Variants in FRMPD2 observed in about 807,000 individuals in gnomAD.
FRMPD2 encodes FERM and PDZ domain-containing protein 2.
FRMPD2 carries 96 observed loss-of-function variants against 140.1 expected under a neutral mutation model. That is an observed-to-expected ratio of 0.69 (90% CI 0.58 to 0.81). FRMPD2 has a LOEUF of 0.81. FRMPD2 is among the 40% of genes least tolerant of loss of function. FRMPD2 has a pLI of 0.00. For synonymous variants in FRMPD2, 449 were observed against 547.6 expected, an observed-to-expected ratio of 0.82 and a Z score of 2.52; for missense variants, 1,240 against 1,447.4, an observed-to-expected ratio of 0.86 and a Z score of 2.32.
chr10:48,191,005 T>TC (rs1415143203), intron 16 of FRMPD2, among the ~76,000 whole-genome samples: 7 of 152,242 alleles, frequency 4.6e-5, no homozygotes, highest in African/African-American at 1.4e-4. Flanking sequence ...TCTTGGACGC[T>TC]CCTACATCAA....
At chr10:48,269,093 G>A (rs1588863874) in intron 1 of FRMPD2, among the ~76,000 whole-genome samples, 1 of 152,080 alleles carries the variant, frequency 6.6e-6, no homozygotes, top group East Asian at 1.9e-4. Flanking sequence ...AAATAAACAG[G>A]TGAAAAAATA....
At chr10:48,191,513 C>A (rs1255639103) in intron 16 of FRMPD2, among the ~76,000 whole-genome samples, 2 of 152,140 alleles carry the variant, frequency 1.3e-5, no homozygotes, top group Non-Finnish European at 2.9e-5. Flanking sequence ...TTTTGCCTTA[C>A]CACTGTTGAT....
intron 1 of FRMPD2, among the ~76,000 whole-genome samples, chr10:48,263,553 C>T (rs868162790): frequency 5.9e-5 from 9 of 152,030 alleles, no homozygotes; most frequent in African/African-American, 9.7e-5. Flanking sequence ...TTAGATGAAA[C>T]GGACCAATTC....
chr10:48,180,118 C>T (rs1256432257), intron 21 of FRMPD2, among the ~76,000 whole-genome samples: 1 of 152,014 alleles, frequency 6.6e-6, no homozygotes, highest in Non-Finnish European at 1.5e-5. Flanking sequence ...TCCAGCACTG[C>T]CACCCTGTCC....
chr10:48,188,896 T>C (rs1335578101), intron 16 of FRMPD2, among the ~76,000 whole-genome samples: 1 of 152,140 alleles, frequency 6.6e-6, no homozygotes, highest in Non-Finnish European at 1.5e-5. Context: ...GTCACATTCA[T>C]AGACCAGGAG....
chr10:48,237,521 C>G (rs1839994465), intron 8 of FRMPD2, among the ~76,000 whole-genome samples: 1 of 152,142 alleles, frequency 6.6e-6, no homozygotes, highest in Non-Finnish European at 1.5e-5. Context: ...CTTTGACAGA[C>G]AGACAGGCAC....
chr10:48,238,143 G>C lies in FRMPD2; in HGVS notation c.789-20C>G. 6.2e-7 allele frequency: 1 copy of C among 1,604,220 alleles called. No individual in the cohort carries two copies. The highest frequency in any genetic ancestry group is 1.3e-5 in the African/African-American group (1 of 74,912). ...AGAGCGCTGGCCAGGGGTTGAGAAGGGGTGAAGCACTTAGCAATGGCAAGG... is the reference window on the plus strand; with the variant it reads ...AGAGCGCTGGCCAGGGGTTGAGAAGCGGTGAAGCACTTAGCAATGGCAAGG... On this transcript the variant is annotated intron_variant, in intron 7 of 28. Coordinates refer to ENST00000374201, the MANE Select transcript of FRMPD2 (RefSeq NM_001018071.4).
chr10:48,206,650 G>A, intron 14 of FRMPD2, 98 bp downstream of exon 14: 1 of 904,412 alleles, frequency 1.1e-6, no homozygotes, highest in Admixed American at 2.1e-5. Flanking sequence ...GTTTGGTCAG[G>A]AGAAAGCCAC....
rs115121643 is a variant in FRMPD2, at chr10:48,232,221, C to T, written c.1062G>A (p.Leu354=). The change falls in exon 10 of 29, where the codon CTG becomes CTA. Residue 354 remains leucine, a synonymous_variant. Transcript: ENST00000374201. The part of the protein sequence containing the change: ...LCVVLLNGQH[L]EVKCDVESTV... ...TTGATTCAACATCACATTTTACCTCCAGGTGCTGCCCGTTCAGCAGGACCA... is the reference window on the plus strand; with the variant it reads ...TTGATTCAACATCACATTTTACCTCTAGGTGCTGCCCGTTCAGCAGGACCA... 2.5e-4 allele frequency: 396 copies of T among 1,614,166 alleles called. 1 individual carries two copies. The African/African-American group carries it at 4.9e-3, about 20-fold the overall frequency.
intron 1 of FRMPD2, 90 bp downstream of exon 1, chr10:48,274,450 GTTC>G (rs1005044587): frequency 2.0e-5 from 23 of 1,124,330 alleles, no homozygotes; most frequent in African/African-American, 3.1e-5. Flanking sequence ...GCCCAGCTGT[GTTC>G]TTCTTATTCC....
intron 10 of FRMPD2, among the ~76,000 whole-genome samples, chr10:48,224,972 G>A (rs1236827): frequency 0.29 from 44,253 of 152,156 alleles, 7,944 homozygotes; most frequent in Non-Finnish European, 0.4. Flanking sequence ...TCTTTAGAAG[G>A]TCTGATGAGA....
In FRMPD2 at chr10:48,239,590, G is replaced by T; in HGVS notation, c.788+15C>A. ...CACATCAAGTTCACAGCACCCTTTA[G>T]GCCTTGCTGCTTACCGGTTAACAAG... On this transcript the variant is annotated intron_variant, in intron 7 of 28. Transcript: ENST00000374201. 6.2e-7 allele frequency: 1 copy of T among 1,605,662 alleles called. No individual in the cohort carries two copies. Among genetic ancestry groups the T allele is most frequent in the Non-Finnish European group, 8.5e-7 (1 of 1,172,452 alleles).
Position 48,251,421 on chromosome 10 carries a change from G to T in FRMPD2, c.151+145C>A. The T allele has an allele frequency of 1.7e-5, 16 of 966,334 alleles. No homozygotes were observed. In the South Asian group the frequency reaches 2.1e-4, roughly 12 times the overall value. The allele number at this position is 966,334 out of a possible 1,614,324, so 59.9% of individuals were successfully genotyped here. ...TTCTTCTACTCATTCTAATACCTCA[G>T]AGTAATCACAGATCAAGCAGCAGCA... On this transcript the variant is annotated intron_variant, in intron 2 of 28. Transcript: ENST00000374201.
chr10:48,240,465 A>G lies in FRMPD2; in HGVS notation c.595T>C (p.Ser199Pro). ...TAGCTTCTGTTCTGCTGCACAGAGG[A>G]GCTTTCCTCCACAACTCTTTTCTCC... ...EVEKRVVEES[S>P]SVQQNRSYLL... The change falls in exon 6 of 29, where the codon TCC becomes CCC. Residue 199 changes from serine (S) to proline (P), a missense_variant. Physicochemically the swap from Ser to Pro is moderately conservative, Grantham distance 74. Around this residue, in one of 6 missense-constraint regions of FRMPD2, gnomAD observed 1,161 missense variants for 1,055.9 expected, o/e 1.10. Transcript: ENST00000374201. The G allele has an allele frequency of 1.1e-5, 18 of 1,613,822 alleles. No homozygotes were observed. Among genetic ancestry groups the G allele is most frequent in the Non-Finnish European group, 1.5e-5 (18 of 1,180,010 alleles).
intron 1 of FRMPD2, among the ~76,000 whole-genome samples, chr10:48,255,886 C>T (rs750061139): frequency 1.9e-4 from 29 of 152,104 alleles, no homozygotes; most frequent in Non-Finnish European, 3.2e-4. Flanking sequence ...GAGGTGAGGG[C>T]GGTAAGCCAG....
chr10:48,248,802 A>G, intron 3 of FRMPD2: 1 of 402,142 alleles, frequency 2.5e-6, no homozygotes. Context: ...CATTTTACCA[A>G]TGTAGAAATT....
chr10:48,259,382 G>C (rs929406543), intron 1 of FRMPD2, among the ~76,000 whole-genome samples: 2 of 152,196 alleles, frequency 1.3e-5, no homozygotes, highest in African/African-American at 2.4e-5. Flanking sequence ...AAAGTGGAAG[G>C]CTGGGGTTTT....
Position 48,164,317 on chromosome 10 carries a change from T to A in FRMPD2, c.3538-646A>T, listed in dbSNP as rs1361074110. Among the ~76,000 whole-genome samples, 76 of 151,414 alleles carry A rather than the reference T, an allele frequency of 5.0e-4. 1 individual carries two copies. Among genetic ancestry groups the A allele is most frequent in the African/African-American group, 1.7e-3 (71 of 40,904 alleles). ...TTGAGCTATTTTACAACTCTATAAA[T>A]AAACAGGTCCTTTGAAATCTCTTTT... On this transcript the variant is annotated intron_variant, in intron 27 of 28. Transcript: ENST00000374201.
chr10:48,247,945 A>T (rs535463151), intron 3 of FRMPD2, among the ~76,000 whole-genome samples: 4 of 151,910 alleles, frequency 2.6e-5, no homozygotes, highest in African/African-American at 9.7e-5. Flanking sequence ...TTCAGGGGGG[A>T]GGGGGTGCTG....
Sources: gnomAD v4.1 joint callset for allele counts (sites outside exome capture counted in the v4.1 genomes callset) on GRCh38, gnomAD v4.1.1 for gene constraint, gnomAD v4.1.1 regional missense constraint, MANE v1.5 for transcripts, NCBI Gene and HGNC (gene_info 2026-07-23, HGNC 2026-07-21) for gene names.